Variants in MYO3A observed in about 807,000 individuals in gnomAD.
The protein encoded by MYO3A is myosin IIIA.
A neutral mutation model predicts 192.7 loss-of-function variants in MYO3A; 180 were observed. That is an observed-to-expected ratio of 0.93 (90% CI 0.83 to 1.06). The LOEUF is 1.06. Among genes scored for constraint, MYO3A ranks in the 50% least tolerant of loss-of-function variants. MYO3A has a pLI of 0.00. For synonymous variants in MYO3A, 628 were observed against 645.3 expected, an observed-to-expected ratio of 0.97 and a Z score of 0.41; for missense variants, 1,896 against 1,905.0, an observed-to-expected ratio of 1.00 and a Z score of 0.09.
chr10:26,128,439 T>C lies in MYO3A; in HGVS notation c.2163T>C (p.Phe721=). 1 of 1,613,030 alleles carries C rather than the reference T, an allele frequency of 6.2e-7. No homozygotes were observed. Among genetic ancestry groups the C allele is most frequent in the Non-Finnish European group, 8.5e-7 (1 of 1,179,176 alleles). ...TTGGCATTCTTGATATATTTGGCTT[T>C]GAAAATTTCAAAAAAAATTCCTTCG... ...LSIGILDIFG[F]ENFKKNSFEQ... Residue 721 remains phenylalanine (F), a synonymous_variant, in exon 20 of 35, where the codon TTT becomes TTC. Transcript: ENST00000642920.
chr10:26,049,651 T>C (rs1486012118), intron 10 of MYO3A, among the ~76,000 whole-genome samples: 1 of 107,334 alleles, frequency 9.3e-6, no homozygotes, highest in African/African-American at 3.5e-5. Context: ...AAAGATGAAA[T>C]TCTTTCTTTC....
At chr10:26,065,438 T>C (rs965449373) in intron 10 of MYO3A, among the ~76,000 whole-genome samples, 1 of 151,344 alleles carries the variant, frequency 6.6e-6, no homozygotes, top group African/African-American at 2.4e-5. Flanking sequence ...GCAAAAAAAT[T>C]AGCTGAGCGT....
At chr10:26,071,660 A>G (rs893875378) in intron 14 of MYO3A, among the ~76,000 whole-genome samples, 1 of 152,218 alleles carries the variant, frequency 6.6e-6, no homozygotes, top group East Asian at 1.9e-4. Flanking sequence ...AAAAAAACTC[A>G]TACAAATCAA....
intron 20 of MYO3A, among the ~76,000 whole-genome samples, chr10:26,132,493 C>G (rs2131778243): frequency 6.6e-6 from 1 of 152,256 alleles, no homozygotes; most frequent in East Asian, 1.9e-4. Context: ...TGAATTGGAA[C>G]AAATGCCACT....
At chr10:26,147,218 A>G (rs1840518622) in intron 22 of MYO3A, among the ~76,000 whole-genome samples, 3 of 152,100 alleles carry the variant, frequency 2.0e-5, no homozygotes, top group Admixed American at 6.5e-5. Context: ...ACCCAAATAA[A>G]ATCAGTGAGA....
rs755186872 is a variant in MYO3A at position 26,068,840 on chromosome 10, A to G, written c.1126A>G (p.Ile376Val). 6.2e-7 allele frequency: 1 copy of G among 1,600,510 alleles called. No homozygotes were observed. Among genetic ancestry groups the G allele is most frequent in the Non-Finnish European group, 8.6e-7 (1 of 1,167,756 alleles). Reference sequence around the variant, plus strand: ...CTACGTCTATGTGGGAGACATACTCATTGCTCTTAACCCTTTTCAGAGTCT... The same window carrying G: ...CTACGTCTATGTGGGAGACATACTCGTTGCTCTTAACCCTTTTCAGAGTCT... ...QIYVYVGDIL[I>V]ALNPFQSLGL... is the part of the protein sequence containing the mutation. The change falls in exon 12 of 35, where the codon ATT (isoleucine) becomes GTT (valine). Residue 376 changes from isoleucine to valine, a missense_variant. Transcript: ENST00000642920.
intron 4 of MYO3A, among the ~76,000 whole-genome samples, chr10:25,959,606 C>T (rs1588661431): frequency 6.6e-6 from 1 of 152,278 alleles, no homozygotes; most frequent in East Asian, 1.9e-4. Flanking sequence ...TCTTTGATAT[C>T]TCTCTGCTGC....
intron 17 of MYO3A, among the ~76,000 whole-genome samples, chr10:26,101,816 G>T (rs1837474027): frequency 6.6e-6 from 1 of 152,098 alleles, no homozygotes; most frequent in African/African-American, 2.4e-5. Flanking sequence ...CTTTCTCTCT[G>T]GCTGCCCTTA....
intron 2 of MYO3A, among the ~76,000 whole-genome samples, chr10:25,948,674 A>G (rs1837015769): frequency 6.6e-6 from 1 of 152,132 alleles, no homozygotes; most frequent in Admixed American, 6.5e-5. Flanking sequence ...GTGACATTCT[A>G]TTTCATTCTT....
chr10:26,044,236 A>C (rs1843514638), intron 10 of MYO3A, among the ~76,000 whole-genome samples: 3 of 152,212 alleles, frequency 2.0e-5, no homozygotes, highest in Admixed American at 6.5e-5. Context: ...TCTCAAGTGG[A>C]AAGAAAGATT....
chr10:26,192,951 G>A lies in MYO3A; in HGVS notation c.4439-254G>A, dbSNP rs185917848. Reference sequence around the variant, plus strand: ...ATAACAGGCGTGAACCACTGCACCCGGCTGCATTGGTTTTCTTTTTCTTCC... The same window carrying A: ...ATAACAGGCGTGAACCACTGCACCCAGCTGCATTGGTTTTCTTTTTCTTCC... On this transcript the variant is annotated intron_variant, in intron 31 of 34. Coordinates refer to ENST00000642920, the MANE Select transcript of MYO3A (RefSeq NM_017433.5). Among the ~76,000 whole-genome samples, 1,369 of 152,110 alleles carry A rather than the reference G, an allele frequency of 9.0e-3. 23 individuals are homozygous for A. Among genetic ancestry groups the A allele is most frequent in the African/African-American group, 0.031 (1,290 of 41,482 alleles).
At chr10:26,010,348 A>G (rs1006946096) in intron 6 of MYO3A, among the ~76,000 whole-genome samples, 1 of 152,116 alleles carries the variant, frequency 6.6e-6, no homozygotes, top group Non-Finnish European at 1.5e-5. Context: ...TATAAAGTAC[A>G]GGAACCTCAA....
intron 10 of MYO3A, among the ~76,000 whole-genome samples, chr10:26,061,581 A>G (rs1834482234): frequency 6.6e-6 from 1 of 152,198 alleles, no homozygotes. Context: ...AAGGTTGTTT[A>G]AGGCAAGATT....
At chr10:26,021,775 G>C (rs1049496422) in intron 8 of MYO3A, 127 bp downstream of exon 8, 1 of 1,285,716 alleles carries the variant, frequency 7.8e-7, no homozygotes, top group Non-Finnish European at 1.1e-6. Flanking sequence ...GAAGATCCTG[G>C]AATATTATTC....
intron 4 of MYO3A, among the ~76,000 whole-genome samples, chr10:25,963,266 A>G (rs932550971): frequency 1.3e-5 from 2 of 152,174 alleles, no homozygotes; most frequent in Non-Finnish European, 2.9e-5. Flanking sequence ...AAGCCTCTCA[A>G]ATGCACATTT....
chr10:26,171,118 G>A (rs1842025996), intron 29 of MYO3A, among the ~76,000 whole-genome samples: 2 of 152,132 alleles, frequency 1.3e-5, no homozygotes, highest in Admixed American at 1.3e-4. Context: ...TGTTAACTCT[G>A]CTATAAAAAT....
chr10:26,060,361 G>A (rs76939466), intron 10 of MYO3A, among the ~76,000 whole-genome samples: 71,124 of 150,680 alleles, frequency 0.47, 17,702 homozygotes, highest in Middle Eastern at 0.59. Context: ...CCAGTTACTC[G>A]GGATGCTGAG....
chr10:26,193,034 G>A (rs1285138647), intron 31 of MYO3A, among the ~76,000 whole-genome samples, 171 bp from the exon 32 acceptor site: 1 of 152,132 alleles, frequency 6.6e-6, no homozygotes, highest in African/African-American at 2.4e-5. Context: ...CTAGAGGAAA[G>A]CACATGGTGA....
At chr10:26,037,822 C>G (rs974143973) in intron 10 of MYO3A, among the ~76,000 whole-genome samples, 1 of 151,834 alleles carries the variant, frequency 6.6e-6, no homozygotes, top group South Asian at 2.1e-4. Context: ...GTGAGAGAGT[C>G]AAGGGGGAAA....
Sources: gnomAD v4.1 joint callset for allele counts (sites outside exome capture counted in the v4.1 genomes callset) on GRCh38, gnomAD v4.1.1 for gene constraint, MANE v1.5 for transcripts, NCBI Gene and HGNC (gene_info 2026-07-23, HGNC 2026-07-21) for gene names.